Variants in YWHAE observed in about 807,000 individuals in gnomAD.
The protein encoded by YWHAE is 14-3-3 protein epsilon.
A neutral mutation model predicts 30.1 loss-of-function variants in YWHAE; 4 were observed. The observed-to-expected ratio is 0.13, with a 90% CI of 0.07 to 0.30. The LOEUF (loss-of-function observed/expected upper bound fraction) is 0.30, where lower values mean the gene tolerates loss of function less well. Among genes scored for constraint, YWHAE ranks in the 10% least tolerant of loss-of-function variants. The pLI is 1.00. For missense variants in YWHAE, 121 were observed against 315.9 expected (o/e 0.38, Z 4.68); for synonymous variants, 118 against 111.8 (o/e 1.06, Z -0.35).
chr17:1,366,138 C>T (rs1014126197), intron 1 of YWHAE, among the ~76,000 whole-genome samples: 1 of 151,528 alleles, frequency 6.6e-6, no homozygotes, highest in African/African-American at 2.4e-5. Flanking sequence ...ATCGCTTGAA[C>T]CCAGAAGGTG....
intron 1 of YWHAE, among the ~76,000 whole-genome samples, chr17:1,368,886 A>G (rs777008607): frequency 5.9e-5 from 9 of 152,214 alleles, no homozygotes; most frequent in Non-Finnish European, 8.8e-5. Context: ...TACATACAGA[A>G]AAACTATGCA....
chr17:1,396,975 G>A (rs1246089946), intron 1 of YWHAE, among the ~76,000 whole-genome samples: 1 of 150,488 alleles, frequency 6.6e-6, no homozygotes, highest in Non-Finnish European at 1.5e-5. Flanking sequence ...AGGCTGTAGT[G>A]TAATGCCATA....
intron 1 of YWHAE, among the ~76,000 whole-genome samples, chr17:1,383,758 T>C (rs1190768694): frequency 1.3e-5 from 2 of 152,128 alleles, no homozygotes; most frequent in Non-Finnish European, 2.9e-5. Context: ...AAGTTGCTAG[T>C]ATTATAAACA....
intron 1 of YWHAE, among the ~76,000 whole-genome samples, chr17:1,381,891 CGA>C (rs1275375613): frequency 1.7e-5 from 2 of 119,288 alleles, no homozygotes; most frequent in African/African-American, 3.5e-5. Context: ...CCAGCCTGCA[CGA>C]GAGAGCGACA....
At chr17:1,349,931 T>C (rs907339991) in intron 5 of YWHAE, among the ~76,000 whole-genome samples, 1 of 147,686 alleles carries the variant, frequency 6.8e-6, no homozygotes, top group Non-Finnish European at 1.5e-5. Flanking sequence ...CACTAGATTT[T>C]TAAAAACTGC....
chr17:1,357,802 C>G (rs553876700), intron 4 of YWHAE, among the ~76,000 whole-genome samples: 93 of 151,578 alleles, frequency 6.1e-4, no homozygotes, highest in Non-Finnish European at 1.2e-3. Context: ...TGGCGGGCGT[C>G]TGTAATCCCA....
intron 4 of YWHAE, among the ~76,000 whole-genome samples, chr17:1,355,148 A>C (rs12941424): frequency 1.3e-5 from 1 of 76,794 alleles, no homozygotes; most frequent in African/African-American, 4.4e-5. Flanking sequence ...AAAAAAAAAA[A>C]TTTTTTTTTT....
At chr17:1,370,373 C>T (rs558305904) in intron 1 of YWHAE, among the ~76,000 whole-genome samples, 39 of 151,740 alleles carry the variant, frequency 2.6e-4, no homozygotes, top group South Asian at 4.2e-4. Context: ...CCTTGTGATC[C>T]GCCCGCCTTG....
intron 1 of YWHAE, among the ~76,000 whole-genome samples, chr17:1,370,445 T>A (rs2073021503): frequency 6.6e-6 from 1 of 151,400 alleles, no homozygotes; most frequent in African/African-American, 2.4e-5. Context: ...CAACTTTTTG[T>A]TTTTTGTTTT....
intron 4 of YWHAE, among the ~76,000 whole-genome samples, chr17:1,360,725 C>T (rs2072851117): frequency 6.6e-6 from 1 of 152,086 alleles, no homozygotes; most frequent in Non-Finnish European, 1.5e-5. Context: ...GAGATGGCGC[C>T]ACTGCACTCT....
At chr17:1,351,834 A>G (rs2072639750) in intron 5 of YWHAE, among the ~76,000 whole-genome samples, 1 of 152,058 alleles carries the variant, frequency 6.6e-6, no homozygotes, top group Non-Finnish European at 1.5e-5. Flanking sequence ...CACCCAGGCT[A>G]GAGTGCAGTG....
At chr17:1,362,798 C>T (rs966872275) in intron 2 of YWHAE, among the ~76,000 whole-genome samples, 30 of 152,172 alleles carry the variant, frequency 2.0e-4, no homozygotes, top group African/African-American at 5.5e-4. Flanking sequence ...ATCCTTATCC[C>T]AAGCAAAACT....
Position 1,361,117 on chromosome 17 carries a change from G to T in YWHAE, c.553C>A (p.Leu185Ile), listed in dbSNP as rs2072857616. ...LNFSVFYYEI[L>I]NSPDRACRLA... ...CTGCAGGCACGGTCAGGGGAATTAA[G>T]AATTTCGTAGTAGAATACGGAAAAA... The change falls in exon 4 of 6, where the codon CTT becomes ATT. Residue 185 changes from leucine (L) to isoleucine (I), a missense_variant. By Grantham distance (5) the Leu-to-Ile change is conservative (BLOSUM62 2). Transcript: ENST00000264335. 1 of 1,613,970 alleles carries T rather than the reference G, an allele frequency of 6.2e-7. No individual in the cohort carries two copies. Among genetic ancestry groups the T allele is most frequent in the Non-Finnish European group, 8.5e-7 (1 of 1,180,002 alleles).
chr17:1,366,789 A>T (rs988510992), intron 1 of YWHAE, among the ~76,000 whole-genome samples: 3 of 152,036 alleles, frequency 2.0e-5, no homozygotes, highest in African/African-American at 7.2e-5. Context: ...TAAAAATACA[A>T]AAATTAGCTG....
chr17:1,367,993 G>A (rs778319758), intron 1 of YWHAE, among the ~76,000 whole-genome samples: 4 of 152,148 alleles, frequency 2.6e-5, no homozygotes, highest in Non-Finnish European at 5.9e-5. Flanking sequence ...GCTCACACCT[G>A]TCATCTTAGC....
At chr17:1,377,535 G>T (rs914023114) in intron 1 of YWHAE, among the ~76,000 whole-genome samples, 9 of 152,118 alleles carry the variant, frequency 5.9e-5, no homozygotes, top group African/African-American at 9.7e-5. Context: ...GATCGCTTGA[G>T]CCCAGGAGTC....
chr17:1,379,116 GCGATGT>G (rs2073167784), intron 1 of YWHAE, among the ~76,000 whole-genome samples: 1 of 152,106 alleles, frequency 6.6e-6, no homozygotes, highest in Non-Finnish European at 1.5e-5. Context: ...CTTAAAGTTT[GCGATGT>G]CATCACTTTA....
intron 1 of YWHAE, among the ~76,000 whole-genome samples, chr17:1,395,360 T>C (rs1332164133): frequency 6.6e-6 from 1 of 151,842 alleles, no homozygotes; most frequent in Non-Finnish European, 1.5e-5. Flanking sequence ...AAACCTCGTC[T>C]CTACTAAAAA....
intron 1 of YWHAE, among the ~76,000 whole-genome samples, chr17:1,398,335 C>CA (rs1043928654): frequency 2.5e-4 from 1 of 4,004 alleles, no homozygotes; most frequent in Non-Finnish European, 4.9e-4. Flanking sequence ...CCCATCTTAT[C>CA]CCCCCCCCCA....
Sources: gnomAD v4.1 joint callset for allele counts (sites outside exome capture counted in the v4.1 genomes callset) on GRCh38, gnomAD v4.1.1 for gene constraint, MANE v1.5 for transcripts, NCBI Gene and HGNC (gene_info 2026-07-23, HGNC 2026-07-21) for gene names.